The following CACNA2D3 variants were observed in gnomAD, a reference collection of about 807,000 sequenced individuals.
CACNA2D3 encodes the protein calcium voltage-gated channel auxiliary subunit alpha2delta 3, also known as voltage-dependent calcium channel subunit alpha-2/delta-3.
CACNA2D3 carries 60 observed loss-of-function variants against 160.6 expected under a neutral mutation model. That is an observed-to-expected ratio of 0.37 (90% CI 0.30 to 0.46). The LOEUF (loss-of-function observed/expected upper bound fraction) is 0.46. Ranked by LOEUF, CACNA2D3 falls within the 20% of genes least tolerant of loss-of-function variation. CACNA2D3 has a pLI of 1.00. For missense variants in CACNA2D3, 1,205 were observed against 1,365.0 expected (o/e 0.88, Z 1.85); for synonymous variants, 558 against 492.9 (o/e 1.13, Z -1.75).
At chr3:54,608,021 C>A (rs915908470) in intron 9 of CACNA2D3, among the ~76,000 whole-genome samples, 1 of 151,930 alleles carries the variant, frequency 6.6e-6, no homozygotes, top group South Asian at 2.1e-4. Context: ...GAGTATAGGG[C>A]GATAAAGGGT....
intron 17 of CACNA2D3, 112 bp from the exon 18 acceptor site, chr3:54,871,427 G>C (rs1699532074): frequency 1.4e-6 from 1 of 729,592 alleles, no homozygotes; most frequent in Admixed American, 2.5e-5. Context: ...ACCCTCATCG[G>C]TCCACTCCCA....
At chr3:54,454,075 A>G (rs1700355570) in intron 4 of CACNA2D3, among the ~76,000 whole-genome samples, 1 of 152,192 alleles carries the variant, frequency 6.6e-6, no homozygotes, top group Admixed American at 6.5e-5. Context: ...TGTCTCTAAT[A>G]TCAGTACTAA....
intron 9 of CACNA2D3, among the ~76,000 whole-genome samples, chr3:54,598,330 A>AAAG (rs1268832678): frequency 2.0e-5 from 3 of 149,462 alleles, no homozygotes; most frequent in East Asian, 3.9e-4. Context: ...AAAAAAAAAA[A>AAAG]AAGAAGAAAG....
At chr3:54,322,798 T>C (rs1704032458) in intron 3 of CACNA2D3, among the ~76,000 whole-genome samples, 1 of 151,976 alleles carries the variant, frequency 6.6e-6, no homozygotes, top group South Asian at 2.1e-4. Flanking sequence ...TAAAACCTTT[T>C]TGTGTTAAAT....
intron 27 of CACNA2D3, among the ~76,000 whole-genome samples, chr3:54,967,561 G>A (rs1379590521): frequency 2.6e-5 from 4 of 152,158 alleles, no homozygotes; most frequent in African/African-American, 9.7e-5. Context: ...TTGCAAAACT[G>A]CACTGGGGTA....
At chr3:54,381,366 C>T (rs554304369) in intron 3 of CACNA2D3, among the ~76,000 whole-genome samples, 1 of 152,132 alleles carries the variant, frequency 6.6e-6, no homozygotes, top group South Asian at 2.1e-4. Flanking sequence ...AATCAGGAGT[C>T]CAGCAATTAA....
At chr3:54,133,960 G>A (rs1243242243) in intron 2 of CACNA2D3, among the ~76,000 whole-genome samples, 6 of 152,162 alleles carry the variant, frequency 3.9e-5, no homozygotes, top group East Asian at 3.9e-4. Context: ...GATTAAGTAC[G>A]GAGGCATGTG....
intron 5 of CACNA2D3, among the ~76,000 whole-genome samples, chr3:54,509,562 T>C (rs766320310): frequency 6.6e-6 from 1 of 152,146 alleles, no homozygotes; most frequent in Non-Finnish European, 1.5e-5. Context: ...GCTCTGGACC[T>C]AGAGAAATAA....
intron 29 of CACNA2D3, among the ~76,000 whole-genome samples, chr3:54,970,434 C>CCT (rs1702243034): frequency 8.2e-6 from 1 of 121,226 alleles, no homozygotes; most frequent in African/African-American, 3.1e-5. Context: ...TCCCTCCTCT[C>CCT]CTCCCCTCCC....
chr3:54,651,709 C>T (rs1375044770), intron 11 of CACNA2D3, among the ~76,000 whole-genome samples: 1 of 152,128 alleles, frequency 6.6e-6, no homozygotes, highest in Non-Finnish European at 1.5e-5. Flanking sequence ...CGTGCTATAA[C>T]TTGGAGGATA....
intron 2 of CACNA2D3, among the ~76,000 whole-genome samples, chr3:54,164,033 C>T (rs773217247): frequency 1.3e-5 from 2 of 152,204 alleles, no homozygotes; most frequent in Non-Finnish European, 2.9e-5. Flanking sequence ...AAGGAGATGG[C>T]CAGCCACGCG....
At position 54,141,086 on chromosome 3, in the gene CACNA2D3, TGCGCGCGC is replaced by T. The variant is rs3060362; in HGVS notation, c.204+17498_204+17505del. Among the ~76,000 whole-genome samples the T allele has an allele frequency of 6.2e-3, 739 of 119,842 alleles. 12 individuals carry two copies. The highest frequency in any genetic ancestry group is 0.023 in the African/African-American group (715 of 31,096). The allele number at this position is 119,842 out of a possible 152,430, so 78.6% of individuals were successfully genotyped here. A position where few individuals can be genotyped will look rare whatever the true frequency, so the allele number is the denominator to read the frequency against. On this transcript the variant is annotated intron_variant, in intron 2 of 37. Coordinates refer to ENST00000474759, the MANE Select transcript of CACNA2D3 (RefSeq NM_018398.3). The stretch of plus-strand genomic sequence containing the variant: ...CTGTGTGTGTGTGTGTGTGTGTGTG[TGCGCGCGC>T]GCGCGTGTGTGCATGCATGCCTGAG...
chr3:54,895,766 G>C (rs1000528285), intron 25 of CACNA2D3, among the ~76,000 whole-genome samples: 2 of 152,224 alleles, frequency 1.3e-5, no homozygotes, highest in South Asian at 2.1e-4. Context: ...CCCACCGCCT[G>C]AGTTGCACCG....
intron 4 of CACNA2D3, among the ~76,000 whole-genome samples, chr3:54,446,844 C>G (rs937923167): frequency 6.6e-6 from 1 of 152,100 alleles, no homozygotes; most frequent in Admixed American, 6.5e-5. Context: ...CTCTGCACCT[C>G]TGACTCTCCT....
intron 12 of CACNA2D3, among the ~76,000 whole-genome samples, chr3:54,762,220 A>C (rs1702093322): frequency 1.3e-5 from 2 of 151,668 alleles, no homozygotes; most frequent in Non-Finnish European, 2.9e-5. Context: ...TGTCATCTTA[A>C]CTCTACCCTC....
intron 2 of CACNA2D3, among the ~76,000 whole-genome samples, chr3:54,220,210 T>C (rs1345123866): frequency 2.0e-5 from 3 of 152,226 alleles, no homozygotes; most frequent in Non-Finnish European, 2.9e-5. Context: ...TCAGTCGGTC[T>C]GCTCTGATAG....
intron 35 of CACNA2D3, among the ~76,000 whole-genome samples, chr3:55,069,586 A>C (rs1234073670): frequency 1.3e-5 from 2 of 152,322 alleles, no homozygotes; most frequent in East Asian, 3.9e-4. Flanking sequence ...TTATGTAACT[A>C]GCCAGCTTGC....
At chr3:54,904,771 A>T (rs561663072) in intron 27 of CACNA2D3, among the ~76,000 whole-genome samples, 2 of 152,336 alleles carry the variant, frequency 1.3e-5, no homozygotes, top group South Asian at 4.2e-4. Context: ...TTATGTAGGT[A>T]CATATTTATT....
rs2107551916 is a variant in CACNA2D3 at position 54,374,997 on chromosome 3, C to G, written c.322-11718C>G. Among the ~76,000 whole-genome samples, 3 of 152,312 alleles carry G rather than the reference C, an allele frequency of 2.0e-5. No individual in the cohort carries two copies. The South Asian group carries it at 6.2e-4, about 32-fold the overall frequency. On this transcript the variant is annotated intron_variant, in intron 3 of 37. Transcript: ENST00000474759. ...CATATGCCAAGCCACTCATGATTGC[C>G]TGAACATGTCATGCCTTCTTTTGCC...
Sources: allele counts gnomAD v4.1 joint callset (sites outside exome capture counted in the v4.1 genomes callset), GRCh38; gene constraint gnomAD v4.1.1; transcripts MANE v1.5; gene names NCBI Gene and HGNC (gene_info 2026-07-23, HGNC 2026-07-21).